Variants in C3orf22 observed in about 807,000 individuals in gnomAD.
The protein encoded by C3orf22 is chromosome 3 open reading frame 22.
A neutral mutation model predicts 10.8 loss-of-function variants in C3orf22; 7 were observed. That is an observed-to-expected ratio of 0.65 (90% CI 0.37 to 1.22). The LOEUF is 1.22. Among genes scored for constraint, C3orf22 ranks in the 50% most tolerant of loss-of-function variants. C3orf22 has a pLI of 0.02. For missense variants in C3orf22, 173 were observed against 177.0 expected (o/e 0.98, Z 0.13); for synonymous variants, 79 against 78.9 (o/e 1.00, Z 0.00).
At chr3:126,555,263 C>T (rs1428679216) in intron 1 of C3orf22, among the ~76,000 whole-genome samples, 2 of 152,224 alleles carry the variant, frequency 1.3e-5, no homozygotes, top group East Asian at 3.8e-4. Context: ...TCCCTGGCTG[C>T]TGGGGGTTCT....
At chr3:126,558,407 C>T (rs912388510) in intron 1 of C3orf22, among the ~76,000 whole-genome samples, 4 of 152,182 alleles carry the variant, frequency 2.6e-5, no homozygotes, top group Non-Finnish European at 5.9e-5. Flanking sequence ...CCCTCAGCCC[C>T]ACCCCATACC....
chr3:126,551,854 C>A, intron 3 of C3orf22, 143 bp downstream of exon 3: 2 of 893,676 alleles, frequency 2.2e-6, no homozygotes, highest in East Asian at 2.8e-5. Context: ...TTAGCATCCC[C>A]CTTCTCTGCC....
Position 126,554,652 on chromosome 3 carries a change from C to A in C3orf22, c.-40-1222G>T, listed in dbSNP as rs78048535. On this transcript the variant is annotated intron_variant, in intron 1 of 3. Coordinates refer to ENST00000318225, the MANE Select transcript of C3orf22 (RefSeq NM_152533.3). The stretch of plus-strand genomic sequence containing the variant: ...GAGGGTAAGGTCTGACCCCTGGTGT[C>A]CTTTGTGGCAGCATGTCACCTGTTC... Among the ~76,000 whole-genome samples, 1,493 of 152,286 alleles carry A rather than the reference C, an allele frequency of 9.8e-3. 25 individuals carry two copies. The highest frequency in any genetic ancestry group is 0.034 in the African/African-American group (1,400 of 41,566).
intron 1 of C3orf22, among the ~76,000 whole-genome samples, chr3:126,554,850 G>C (rs1009657997): frequency 2.6e-5 from 4 of 152,156 alleles, no homozygotes; most frequent in Admixed American, 6.5e-5. Context: ...TTCCTGGTCT[G>C]GGGGGCTGGG....
At chr3:126,557,665 G>A (rs929064798) in intron 1 of C3orf22, among the ~76,000 whole-genome samples, 1 of 152,160 alleles carries the variant, frequency 6.6e-6, no homozygotes, top group African/African-American at 2.4e-5. Flanking sequence ...GAACACACCC[G>A]CTCACCCACC....
chr3:126,536,895 A>AC (rs1491271315), intron 4 of C3orf22, among the ~76,000 whole-genome samples: 36 of 122,798 alleles, frequency 2.9e-4, no homozygotes, highest in African/African-American at 9.4e-4. Context: ...ACACACACAC[A>AC]AACACACACA....
downstream of C3orf22, among the ~76,000 whole-genome samples, chr3:126,549,316 G>A (rs778833001): frequency 2.9e-4 from 44 of 151,104 alleles, no homozygotes; most frequent in Non-Finnish European, 5.4e-4. Context: ...CAGCATATCA[G>A]ACACACTCTT....
intron 4 of C3orf22, chr3:126,542,443 C>G (rs1320604531): frequency 6.4e-7 from 1 of 1,559,758 alleles, no homozygotes; most frequent in Non-Finnish European, 8.7e-7. Context: ...CCCGGGGAGC[C>G]GCCGCCTCCC....
chr3:126,540,962 AG>A (rs1253160832), intron 4 of C3orf22, among the ~76,000 whole-genome samples: 6 of 152,338 alleles, frequency 3.9e-5, no homozygotes, highest in South Asian at 2.1e-4. Context: ...AAAAAATCAT[AG>A]GCAGGGGTGT....
chr3:126,527,564 T>G (rs2107561480), exon 6 of C3orf22: 1 of 152,456 alleles, frequency 6.6e-6, no homozygotes, highest in South Asian at 2.1e-4. Context: ...TCTGAGCCAG[T>G]CAGGTGGCAG....
At chr3:126,546,788 C>A (rs1380581001), downstream of C3orf22, among the ~76,000 whole-genome samples, 3 of 152,172 alleles carry the variant, frequency 2.0e-5, no homozygotes, top group African/African-American at 7.2e-5. Context: ...GGGTACATTC[C>A]TTGTCTGGTT....
chr3:126,543,735 TGA>T (rs10580329), intron 4 of C3orf22, among the ~76,000 whole-genome samples: 38,616 of 151,828 alleles, frequency 0.25, 4,980 homozygotes, highest in Admixed American at 0.29. Flanking sequence ...CATGAGTGTG[TGA>T]GAGGAATTGT....
At chr3:126,556,819 ACTCACATACACACT>A (rs1937347842) in intron 1 of C3orf22, among the ~76,000 whole-genome samples, 1 of 97,560 alleles carries the variant, frequency 1.0e-5, no homozygotes, top group African/African-American at 4.3e-5. Flanking sequence ...ACACACACAG[ACTCACATACACACT>A]CACACACAGA....
chr3:126,552,059 C>T lies in C3orf22; in HGVS notation c.153G>A (p.Ser51=), dbSNP rs778974320. The stretch of plus-strand genomic sequence containing the variant: ...TCTGCAGGGGCAGCTGCACCGTGTT[C>T]GAGTCGTTTGTGACCTCCCAGGGCT... ...PLQPWEVTND[S]NTVQLPLQKR... is the part of the protein sequence containing the mutation. Residue 51 remains serine (S), a synonymous_variant, in exon 3 of 4, where the codon TCG becomes TCA. Transcript: ENST00000318225. The T allele has an allele frequency of 1.3e-5, 21 of 1,613,736 alleles. No homozygotes were observed. The South Asian group carries it at 1.4e-4, about 11-fold the overall frequency.
At chr3:126,539,606 T>A (rs1174514991) in intron 4 of C3orf22, among the ~76,000 whole-genome samples, 6 of 55,412 alleles carry the variant, frequency 1.1e-4, no homozygotes, top group Admixed American at 4.1e-4. Flanking sequence ...CCCCACACAC[T>A]CCACACCACA....
chr3:126,549,935 G>A lies in C3orf22; in HGVS notation c.359C>T (p.Thr120Ile). ...GGGGCAGGCAGCCTCAGTGTGCCGG[G>A]TGGACAGCAGGAAGGCGAGTTGTCT... Reference protein sequence around the residue: ...FPRQLAFLLSTRHTEAACPQT... With the variant: ...FPRQLAFLLSIRHTEAACPQT... The change falls in exon 4 of 4, where the codon ACC (threonine) becomes ATC (isoleucine). Residue 120 changes from threonine (T) to isoleucine (I), a missense_variant. Coordinates refer to ENST00000318225, the MANE Select transcript of C3orf22 (RefSeq NM_152533.3). The A allele has an allele frequency of 6.2e-7, 1 of 1,614,158 alleles. No homozygotes were observed. The highest frequency in any genetic ancestry group is 2.2e-5 in the East Asian group (1 of 44,864).
rs767346848 is a variant in C3orf22, at chr3:126,550,093, C to T, written c.216-15G>A. 1 of 1,613,516 alleles carries T rather than the reference C, an allele frequency of 6.2e-7. No individual in the cohort carries two copies. Reference sequence around the variant, plus strand: ...GAGCCCCGAGCCTAGAGAAGCCACACAGAGCCACGCCTGGCCTTCAGGACC... The same window carrying T: ...GAGCCCCGAGCCTAGAGAAGCCACATAGAGCCACGCCTGGCCTTCAGGACC... On this transcript the variant is annotated splice_polypyrimidine_tract_variant and intron_variant, in intron 3 of 3. Transcript: ENST00000318225.
At chr3:126,535,323 CAG>C (rs1936758345) in intron 4 of C3orf22, among the ~76,000 whole-genome samples, 1 of 147,018 alleles carries the variant, frequency 6.8e-6, no homozygotes, top group South Asian at 2.2e-4. Context: ...AGCCAGGAGA[CAG>C]ACAGACAGCA....
chr3:126,536,186 A>G (rs1249989749), intron 4 of C3orf22: 1 of 1,127,436 alleles, frequency 8.9e-7, no homozygotes, highest in Admixed American at 1.8e-5. Flanking sequence ...GGTGGGTCAA[A>G]TGTGCCTAGA....
Sources: gnomAD v4.1 joint callset for allele counts (sites outside exome capture counted in the v4.1 genomes callset) on GRCh38, gnomAD v4.1.1 for gene constraint, MANE v1.5 for transcripts, NCBI Gene and HGNC (gene_info 2026-07-23, HGNC 2026-07-21) for gene names.